Variants in LIFR observed in about 807,000 individuals in gnomAD.
LIFR encodes the protein LIF receptor subunit alpha.
Under a neutral mutation model 122.2 loss-of-function variants are expected in LIFR, and 84 were observed. The ratio of observed to expected loss-of-function variants is 0.69; its 90% confidence interval spans 0.58 to 0.82. The LOEUF (loss-of-function observed/expected upper bound fraction) is 0.82, where lower values mean the gene tolerates loss of function less well. Ranked by LOEUF, LIFR falls within the 40% of genes least tolerant of loss-of-function variation. The pLI is 0.00. For synonymous variants in LIFR, 422 were observed against 434.7 expected (o/e 0.97, Z 0.36); for missense variants, 1,294 against 1,311.6 (o/e 0.99, Z 0.21).
intron 1 of LIFR, among the ~76,000 whole-genome samples, chr5:38,573,581 G>A (rs563944292): frequency 3.6e-4 from 55 of 152,208 alleles, no homozygotes; most frequent in African/African-American, 1.2e-3. Context: ...TTTTGCCAGC[G>A]TGTTGACCTT....
intron 1 of LIFR, among the ~76,000 whole-genome samples, chr5:38,588,926 T>A (rs1749833389): frequency 6.6e-6 from 1 of 152,098 alleles, no homozygotes; most frequent in South Asian, 2.1e-4. Flanking sequence ...CCCATAAAAA[T>A]AAAGTAGATC....
rs199907727 is a variant in LIFR at position 38,504,074 on chromosome 5, T to C, written c.1339A>G (p.Thr447Ala). Residue 447 changes from threonine to alanine, a missense_variant, in exon 10 of 20, where the codon ACA becomes GCA. Thr to Ala is a moderately conservative substitution (Grantham distance 58). Transcript: ENST00000453190. Reference protein sequence around the residue: ...TSFKVKDINSTAVKLSWHLPG... With the variant: ...TSFKVKDINSAAVKLSWHLPG... ...AAATGCCAAGAAAGTTTAACAGCTG[T>C]TGAATTAATATCCTTCACTTTGAAT... is the stretch of plus-strand genomic sequence containing the variant. The C allele has an allele frequency of 1.3e-6, 2 of 1,588,100 alleles. No individual in the cohort carries two copies. Among genetic ancestry groups the C allele is most frequent in the Non-Finnish European group, 1.7e-6 (2 of 1,156,546 alleles).
At chr5:38,504,163 G>C in intron 9 of LIFR, 42 bp from the exon 10 acceptor site, 1 of 1,296,692 alleles carries the variant, frequency 7.7e-7, no homozygotes, top group South Asian at 1.2e-5. Context: ...TATTTAAAGG[G>C]AAAAACTATC....
At chr5:38,504,415 C>CAAAAAAAAAAAAAAAAAAAAA (rs71604899) in intron 9 of LIFR, among the ~76,000 whole-genome samples, 4 of 120,432 alleles carry the variant, frequency 3.3e-5, no homozygotes, top group African/African-American at 6.3e-5. Flanking sequence ...AGGGAATGAC[C>CAAAAAAAAAAAAAAAAAAAAA]AAAAAAAAAA....
chr5:38,502,492 C>T (rs1580052693), intron 11 of LIFR, 145 bp downstream of exon 11: 2 of 653,324 alleles, frequency 3.1e-6, no homozygotes, highest in East Asian at 6.0e-5. Context: ...CTCCCAACCT[C>T]AGGTAATCTG....
chr5:38,588,949 T>C (rs1264069414), intron 1 of LIFR, among the ~76,000 whole-genome samples: 1 of 152,040 alleles, frequency 6.6e-6, no homozygotes, highest in Non-Finnish European at 1.5e-5. Context: ...ATTATGCATA[T>C]GTTTATTGGT....
At position 38,510,621 on chromosome 5, in the gene LIFR, T is replaced by C. The variant is rs1286815533; in HGVS notation, c.834A>G (p.Leu278=). The part of the protein sequence containing the change: ...TFCCVSQEKV[L]SALIGHTNCP... ...AGTTTGTATGGCCAATCAGTGCTGATAACACTTTTTCTTGACTCACACAAC... is the reference window on the plus strand; with the variant it reads ...AGTTTGTATGGCCAATCAGTGCTGACAACACTTTTTCTTGACTCACACAAC... The change falls in exon 7 of 20, where the codon TTA becomes TTG. Residue 278 remains leucine (L), a synonymous_variant. Transcript: ENST00000453190. 2 of 1,614,064 alleles carry C rather than the reference T, an allele frequency of 1.2e-6. No homozygotes were observed. The highest frequency in any genetic ancestry group is 2.2e-5 in the East Asian group (1 of 44,856).
chr5:38,482,048 C>A lies in LIFR; in HGVS notation c.2841G>T (p.Val947=). The stretch of plus-strand genomic sequence containing the variant: ...CCTCAATGATGGGTGGACAATAGGA[C>A]ACAACCACATGGTTTTCAGGCTCTG... ...SDAEPENHVV[V]SYCPPIIEEE... The change falls in exon 20 of 20, where the codon GTG becomes GTT. Residue 947 remains valine (V), a synonymous_variant. Coordinates refer to ENST00000453190, the MANE Select transcript of LIFR (RefSeq NM_001127671.2). 6.2e-7 allele frequency: 1 copy of A among 1,612,582 alleles called. No homozygotes were observed. Among genetic ancestry groups the A allele is most frequent in the Non-Finnish European group, 8.5e-7 (1 of 1,179,190 alleles).
At chr5:38,553,279 GCTTCTC>G (rs1032579249) in intron 1 of LIFR, among the ~76,000 whole-genome samples, 2 of 152,100 alleles carry the variant, frequency 1.3e-5, no homozygotes, top group Admixed American at 1.3e-4. Context: ...CCCCAGAGAG[GCTTCTC>G]AGGCCACTTG....
intron 9 of LIFR, among the ~76,000 whole-genome samples, chr5:38,504,415 C>CA (rs71604899): frequency 0.011 from 1,303 of 120,424 alleles, 28 homozygotes; most frequent in Non-Finnish European, 0.015. Context: ...AGGGAATGAC[C>CA]AAAAAAAAAA....
At chr5:38,498,058 G>T (rs1744980469) in intron 12 of LIFR, among the ~76,000 whole-genome samples, 1 of 152,064 alleles carries the variant, frequency 6.6e-6, no homozygotes, top group African/African-American at 2.4e-5. Context: ...CATAACAACT[G>T]CCTTAATTTA....
chr5:38,584,230 T>C (rs10461992), intron 1 of LIFR, among the ~76,000 whole-genome samples: 106,964 of 152,046 alleles, frequency 0.7, 39,100 homozygotes, highest in Middle Eastern at 0.84. Flanking sequence ...GAAAAGAGAA[T>C]GCTTGTACAA....
Position 38,493,709 on chromosome 5 carries a change from A to C in LIFR, c.1962T>G (p.Thr654=). ...LLTWHYDPNM[T]CDYVIKWCNS... Reference sequence around the variant, plus strand: ...TACACCACTTAATGACGTAGTCGCAAGTCATGTTGGGGTCGTAATGCCAGG... The same window carrying C: ...TACACCACTTAATGACGTAGTCGCACGTCATGTTGGGGTCGTAATGCCAGG... The change falls in exon 14 of 20, where the codon ACT becomes ACG. Residue 654 remains threonine (T), a synonymous_variant. Transcript: ENST00000453190. 1 of 1,614,164 alleles carries C rather than the reference A, an allele frequency of 6.2e-7. No individual in the cohort carries two copies. The highest frequency in any genetic ancestry group is 1.1e-5 in the South Asian group (1 of 91,060).
In LIFR at chr5:38,503,730, G is replaced by A. The variant is rs535989046; in HGVS notation, c.1437+246C>T. On this transcript the variant is annotated intron_variant, in intron 10 of 19. Coordinates refer to ENST00000453190, the MANE Select transcript of LIFR (RefSeq NM_001127671.2). ...ACTACTCATTCATTCACAAATTTAC[G>A]GAGCACCAGCTATGTGCCAGGTACT... Among the ~76,000 whole-genome samples, 76 of 148,802 alleles carry A rather than the reference G, an allele frequency of 5.1e-4. 1 individual carries two copies. The highest frequency in any genetic ancestry group is 1.6e-3 in the African/African-American group (66 of 41,002).
intron 5 of LIFR, among the ~76,000 whole-genome samples, chr5:38,513,872 G>A (rs1175281716): frequency 6.6e-6 from 1 of 151,874 alleles, no homozygotes; most frequent in Admixed American, 6.6e-5. Flanking sequence ...ACCAGAAAGT[G>A]TACAAGAAAT....
Position 38,478,253 on chromosome 5 carries a change from C to T in LIFR, c.*3342G>A. 4.8e-6 allele frequency: 1 copy of T among 206,850 alleles called. No homozygotes were observed. The allele number at this position is 206,850 out of a possible 1,614,324, so 12.8% of individuals were successfully genotyped here. A position where few individuals can be genotyped will look rare whatever the true frequency, so the allele number is the denominator to read the frequency against. ...GTTTTGAAAATGTGACTTTTTACCACAGTTTCTGAGAGTGTAATAGTACTA... is the reference window on the plus strand; with the variant it reads ...GTTTTGAAAATGTGACTTTTTACCATAGTTTCTGAGAGTGTAATAGTACTA... On this transcript the variant is annotated 3_prime_UTR_variant, in exon 20 of 20. Transcript: ENST00000453190.
At chr5:38,586,230 C>T (rs1443499433) in intron 1 of LIFR, among the ~76,000 whole-genome samples, 1 of 152,174 alleles carries the variant, frequency 6.6e-6, no homozygotes, top group Non-Finnish European at 1.5e-5. Context: ...GACATAGCAA[C>T]ATTATGGCCT....
chr5:38,492,367 T>C (rs1249813919), intron 14 of LIFR, among the ~76,000 whole-genome samples: 1 of 152,020 alleles, frequency 6.6e-6, no homozygotes, highest in Non-Finnish European at 1.5e-5. Context: ...TTATATCCAC[T>C]CCAGCCTATC....
chr5:38,541,719 T>A (rs528036260), intron 1 of LIFR, among the ~76,000 whole-genome samples: 1 of 152,064 alleles, frequency 6.6e-6, no homozygotes, highest in Admixed American at 6.6e-5. Flanking sequence ...TGGAAAAAAA[T>A]GGGCAAAATA....
Sources: gnomAD v4.1 joint callset for allele counts (sites outside exome capture counted in the v4.1 genomes callset) on GRCh38, gnomAD v4.1.1 for gene constraint, MANE v1.5 for transcripts, NCBI Gene and HGNC (gene_info 2026-07-23, HGNC 2026-07-21) for gene names.